TENT4B: variants seen among roughly 807,000 people sequenced by gnomAD.
The protein encoded by TENT4B is PAP associated domain containing 5.
A neutral mutation model predicts 75.0 loss-of-function variants in TENT4B; 10 were observed. The ratio of observed to expected loss-of-function variants is 0.13; its 90% CI spans 0.08 to 0.23. TENT4B has a LOEUF of 0.23. Among genes scored for constraint, TENT4B ranks in the 10% least tolerant of loss-of-function variants. The probability of loss-of-function intolerance (pLI) is 1.00; values close to 1 mark genes in which losing one functional copy is unlikely to be tolerated. For synonymous variants in TENT4B, 350 were observed against 357.7 expected (o/e 0.98, Z 0.24); for missense variants, 579 against 893.8 (o/e 0.65, Z 4.49).
Position 50,230,657 on chromosome 16 carries a change from A to G in TENT4B, c.*1329A>G, listed in dbSNP as rs536631299. On this transcript the variant is annotated 3_prime_UTR_variant, in exon 12 of 12. Coordinates refer to ENST00000561678, the MANE Select transcript of TENT4B (RefSeq NM_001365324.3). ...TATCCTCTTCTTTCATGGAATTGTT[A>G]TCGTTAATTAAAACTTTTTTAAACA... is the stretch of plus-strand genomic sequence containing the variant. The G allele has an allele frequency of 6.7e-5, 66 of 985,536 alleles. No homozygotes were observed. The highest frequency in any genetic ancestry group is 7.7e-5 in the Non-Finnish European group (64 of 829,746). 61.0% of individuals were successfully genotyped at this position (985,536 alleles called of 1,614,324 possible).
chr16:50,235,133 T>G lies in TENT4B; in HGVS notation c.*5805T>G. 1.6e-4 allele frequency: 92 copies of G among 590,724 alleles called. No homozygotes were observed. The highest frequency in any genetic ancestry group is 2.2e-4 in the South Asian group (3 of 13,412). 36.6% of individuals were successfully genotyped at this position (590,724 alleles called of 1,614,324 possible). On this transcript the variant is annotated 3_prime_UTR_variant, in exon 12 of 12. Transcript: ENST00000561678. ...ACCAGTGATGAAAACTATGAATGAA[T>G]TGCACACCTGGAAGATTTTTTAAGC...
At position 50,200,365 on chromosome 16, in the gene TENT4B, TA is replaced by T. The variant is rs565167649; in HGVS notation, c.639-10947del. ...TGGGTGACAAAGCAAGACCCTGACT[TA>T]AAAAAAAAAAGAGAAAAGAAAAAAA... On this transcript the variant is annotated intron_variant, in intron 1 of 11. Coordinates refer to ENST00000561678, the MANE Select transcript of TENT4B (RefSeq NM_001365324.3). 3.3e-3 allele frequency among the ~76,000 whole-genome samples: 437 copies of T among 131,316 alleles called. 2 individuals are homozygous for T. The highest frequency in any genetic ancestry group is 0.01 in the African/African-American group (364 of 35,330). The allele number at this position is 131,316 out of a possible 152,430, so 86.1% of individuals were successfully genotyped here. A position where few individuals can be genotyped will look rare whatever the true frequency, so the allele number is the denominator to read the frequency against.
chr16:50,201,527 ACT>A (rs947974901), intron 1 of TENT4B, among the ~76,000 whole-genome samples: 1 of 145,262 alleles, frequency 6.9e-6, no homozygotes, highest in African/African-American at 2.6e-5. Flanking sequence ...ATAGAGCAAG[ACT>A]CTGTCTCAAG....
intron 1 of TENT4B, among the ~76,000 whole-genome samples, chr16:50,190,398 C>A (rs1416475203): frequency 2.6e-5 from 4 of 151,978 alleles, no homozygotes; most frequent in African/African-American, 9.7e-5. Context: ...TTTAGTGCAA[C>A]CACTGTTACT....
chr16:50,225,809 A>T (rs1036590420), intron 10 of TENT4B, among the ~76,000 whole-genome samples: 21 of 150,978 alleles, frequency 1.4e-4, no homozygotes, highest in Admixed American at 6.6e-4. Context: ...CAACCTCCTG[A>T]GTAGCTGGGA....
intron 2 of TENT4B, among the ~76,000 whole-genome samples, chr16:50,211,657 A>AT (rs951113974): frequency 3.2e-4 from 48 of 149,862 alleles, no homozygotes; most frequent in South Asian, 8.4e-4. Context: ...ACTAACAACT[A>AT]TTTTTTTTTT....
At chr16:50,164,894 A>G (rs2038070093) in intron 1 of TENT4B, among the ~76,000 whole-genome samples, 1 of 151,674 alleles carries the variant, frequency 6.6e-6, no homozygotes, top group Non-Finnish European at 1.5e-5. Context: ...TCTACCAAAA[A>G]AAAAAAATTA....
At chr16:50,216,664 A>C (rs2031570358) in intron 4 of TENT4B, among the ~76,000 whole-genome samples, 1 of 126,248 alleles carries the variant, frequency 7.9e-6, no homozygotes. Context: ...CACAGTACTC[A>C]CTGTAGAGAT....
intron 1 of TENT4B, among the ~76,000 whole-genome samples, chr16:50,155,278 T>G (rs932999821): frequency 2.7e-5 from 4 of 147,462 alleles, no homozygotes; most frequent in African/African-American, 1.0e-4. Flanking sequence ...CGTGGGTGTG[T>G]GTGTGTGTGT....
chr16:50,193,332 T>G (rs1221575076), intron 1 of TENT4B, among the ~76,000 whole-genome samples: 1 of 65,404 alleles, frequency 1.5e-5, no homozygotes, highest in Non-Finnish European at 2.9e-5. Context: ...GTTCCTGGAG[T>G]TTTTTTTTTT....
intron 5 of TENT4B, among the ~76,000 whole-genome samples, chr16:50,218,646 C>T (rs1346556515): frequency 2.6e-5 from 4 of 152,138 alleles, no homozygotes; most frequent in African/African-American, 9.7e-5. Flanking sequence ...GCCACCGTGC[C>T]CAGCTGTACT....
chr16:50,171,280 AGTCCC>A (rs1213031599), intron 1 of TENT4B, among the ~76,000 whole-genome samples: 1 of 152,156 alleles, frequency 6.6e-6, no homozygotes, highest in Non-Finnish European at 1.5e-5. Context: ...ATGCACCTGT[AGTCCC>A]GGTTACTTGG....
chr16:50,224,672 G>A lies in TENT4B; in HGVS notation c.1397G>A (p.Arg466Lys). Reference sequence around the variant, plus strand: ...TCTTTTAAAGGTAACGATGTTGGAAGGAGTTCATATGGGGCCATGCAAGTG... The same window carrying A: ...TCTTTTAAAGGTAACGATGTTGGAAAGAGTTCATATGGGGCCATGCAAGTG... ...DPLQPGNDVG[R>K]SSYGAMQVKQ... is the part of the protein sequence containing the mutation. The change falls in exon 8 of 12, where the codon AGG becomes AAG. Residue 466 changes from arginine (R) to lysine (K), a missense_variant. By Grantham distance (26) the Arg-to-Lys change is conservative. Coordinates refer to ENST00000561678, the MANE Select transcript of TENT4B (RefSeq NM_001365324.3). 6.2e-7 allele frequency: 1 copy of A among 1,613,978 alleles called. No homozygotes were observed. Among genetic ancestry groups the A allele is most frequent in the Non-Finnish European group, 8.5e-7 (1 of 1,179,868 alleles).
intron 1 of TENT4B, among the ~76,000 whole-genome samples, chr16:50,165,048 C>T (rs759272621): frequency 3.5e-5 from 4 of 112,696 alleles, no homozygotes; most frequent in Non-Finnish European, 6.1e-5. Flanking sequence ...AGCGAGACCT[C>T]GTCTGAAAAA....
rs1368846037 is a variant in TENT4B at position 50,153,987 on chromosome 16, C to T, written c.366C>T (p.Ala122=). The T allele has an allele frequency of 2.6e-6, 4 of 1,534,018 alleles. No individual in the cohort carries two copies. The highest frequency in any genetic ancestry group is 1.4e-5 in the African/African-American group (1 of 72,900). The stretch of plus-strand genomic sequence containing the variant: ...ACCACCACCAGCCCGGGGCCTGGGC[C>T]CGCCGGGCGGGCTCCTCGGCGTCCT... ...NNNHHQPGAW[A]RRAGSSASSP... is the part of the protein sequence containing the mutation. Residue 122 remains alanine (A), a synonymous_variant, in exon 1 of 12, where the codon GCC becomes GCT. Transcript: ENST00000561678.
Position 50,158,822 on chromosome 16 carries a change from G to A in TENT4B, c.638+4563G>A, listed in dbSNP as rs956595934. On this transcript the variant is annotated intron_variant, in intron 1 of 11. Coordinates refer to ENST00000561678, the MANE Select transcript of TENT4B (RefSeq NM_001365324.3). ...ACAATTTCTTAAACTAGGATGGTGG[G>A]AATGGGGATGTGAAGGGAGAATGAA... 3.3e-5 allele frequency among the ~76,000 whole-genome samples: 5 copies of A among 152,304 alleles called. No homozygotes were observed. The Middle Eastern group carries it at 0.014, about 414-fold the overall frequency.
At chr16:50,153,280 C>G (rs1266425285), upstream of TENT4B, among the ~76,000 whole-genome samples, 2 of 137,444 alleles carry the variant, frequency 1.5e-5, no homozygotes, top group African/African-American at 2.7e-5. Flanking sequence ...GTCTCGCTGC[C>G]GCCGCTGCCG....
At chr16:50,164,204 C>T (rs75172429) in intron 1 of TENT4B, among the ~76,000 whole-genome samples, 3,076 of 152,186 alleles carry the variant, frequency 0.02, 110 homozygotes, top group African/African-American at 0.071. Flanking sequence ...AATGGGATCT[C>T]ACCATTTTGG....
intron 3 of TENT4B, among the ~76,000 whole-genome samples, chr16:50,214,931 G>A (rs775756734): frequency 2.4e-4 from 37 of 152,226 alleles, no homozygotes; most frequent in Non-Finnish European, 4.6e-4. Flanking sequence ...GTGAGTTCCC[G>A]CTGTCTTGCT....
Sources: allele counts gnomAD v4.1 joint callset (sites outside exome capture counted in the v4.1 genomes callset), GRCh38; gene constraint gnomAD v4.1.1; transcripts MANE v1.5; gene names NCBI Gene and HGNC (gene_info 2026-07-23, HGNC 2026-07-21).